SPEN: variants seen among roughly 807,000 people sequenced by gnomAD.
SPEN encodes the protein msx2-interacting protein.
SPEN carries 18 observed loss-of-function variants against 269.9 expected under a neutral mutation model. That is an observed-to-expected ratio of 0.07 (90% CI 0.05 to 0.10). SPEN has a LOEUF of 0.10. Ranked by LOEUF, SPEN falls within the 10% of genes least tolerant of loss-of-function variation. The pLI is 1.00. For missense variants in SPEN, 3,822 were observed against 4,631.2 expected (o/e 0.83, Z 5.07); for synonymous variants, 1,726 against 1,765.7 (o/e 0.98, Z 0.56).
intron 6 of SPEN, among the ~76,000 whole-genome samples, chr1:15,917,100 C>T (rs542379865): frequency 2.0e-5 from 3 of 152,138 alleles, no homozygotes; most frequent in Non-Finnish European, 2.9e-5. Flanking sequence ...TGTACTCCAG[C>T]GTGGGTGACA....
intron 1 of SPEN, among the ~76,000 whole-genome samples, chr1:15,858,492 A>G (rs551468870): frequency 6.6e-6 from 1 of 152,326 alleles, no homozygotes; most frequent in East Asian, 1.9e-4. Flanking sequence ...CCCAATGCAT[A>G]GCCTAGGTGT....
In SPEN at chr1:15,934,727, G is replaced by A. The variant is rs1347222234; in HGVS notation, c.8487G>A (p.Arg2829=). The change falls in exon 11 of 15, where the codon CGG becomes CGA. Residue 2829 remains arginine, a synonymous_variant. Transcript: ENST00000375759. The surrounding 1 kb of genome is among the most constrained non-coding windows in gnomAD (Gnocchi z 9.2). ...YSGQKTEGPQ[R]ISAKISQIPP... ...GGCAGAAGACCGAAGGCCCACAGCG[G>A]ATCAGCGCCAAGATCAGCCAGATCC... 1 of 1,614,140 alleles carries A rather than the reference G, an allele frequency of 6.2e-7. No homozygotes were observed. The highest frequency in any genetic ancestry group is 1.1e-5 in the South Asian group (1 of 91,086).
Position 15,930,032 on chromosome 1 carries a change from C to T in SPEN, c.3792C>T (p.Val1264=). 1 of 1,614,152 alleles carries T rather than the reference C, an allele frequency of 6.2e-7. No homozygotes were observed. Among genetic ancestry groups the T allele is most frequent in the Middle Eastern group, 1.6e-4 (1 of 6,062 alleles). The stretch of plus-strand genomic sequence containing the variant: ...AAAGGACTGGTGGTTCTCCCAGTGT[C>T]CGACATGGTTCCTTCCATGAAGATG... ...DSERTGGSPS[V]RHGSFHEDED... is the part of the protein sequence containing the mutation. The change falls in exon 11 of 15, where the codon GTC becomes GTT. Residue 1264 remains valine (V), a synonymous_variant. Coordinates refer to ENST00000375759, the MANE Select transcript of SPEN (RefSeq NM_015001.3). This position sits in a 1 kb window ranked among gnomAD's most constrained non-coding sequence, Gnocchi z 5.3.
intron 1 of SPEN, among the ~76,000 whole-genome samples, chr1:15,871,876 C>T (rs1382761131): frequency 1.3e-5 from 2 of 151,928 alleles, no homozygotes; most frequent in Non-Finnish European, 2.9e-5. Context: ...TTTTAAATTA[C>T]TTTGATTCTA....
chr1:15,919,058 G>T lies in SPEN; in HGVS notation c.1521+7G>T. On this transcript the variant is annotated splice_region_variant and intron_variant, in intron 7 of 14. Transcript: ENST00000375759. ...TGGAAATAATCGCCTCAAGGTAAAT[G>T]AATTTGCATAAATTATTGTGCTGTT... 6.2e-7 allele frequency: 1 copy of T among 1,604,026 alleles called. No individual in the cohort carries two copies. The highest frequency in any genetic ancestry group is 1.1e-5 in the South Asian group (1 of 88,402).
intron 8 of SPEN, 70 bp downstream of exon 8, chr1:15,919,587 C>T (rs544692419): frequency 7.5e-6 from 7 of 927,668 alleles, no homozygotes; most frequent in Non-Finnish European, 1.1e-5. Flanking sequence ...TCCTTTCAGT[C>T]TCAGTTGGCT....
chr1:15,889,982 T>C (rs1002340732), intron 3 of SPEN, among the ~76,000 whole-genome samples: 3 of 152,206 alleles, frequency 2.0e-5, no homozygotes, highest in Non-Finnish European at 4.4e-5. Context: ...CCCAAAGTGC[T>C]GGGATTACAG....
Position 15,848,179 on chromosome 1 carries a change from T to C in SPEN, c.83+29T>C, listed in dbSNP as rs754442199. ...AGTGACACGAGGCCCGCGGCCGCGC[T>C]CGCTCCTCGGGCGCCGCTTCCCGCC... On this transcript the variant is annotated intron_variant, in intron 1 of 14. Coordinates refer to ENST00000375759, the MANE Select transcript of SPEN (RefSeq NM_015001.3). This position sits in a 1 kb window ranked among gnomAD's most constrained non-coding sequence, Gnocchi z 5.1. 7 of 1,409,310 alleles carry C rather than the reference T, an allele frequency of 5.0e-6. No individual in the cohort carries two copies. The highest frequency in any genetic ancestry group is 5.7e-6 in the Non-Finnish European group (6 of 1,056,858). The allele number at this position is 1,409,310 out of a possible 1,614,324, so 87.3% of individuals were successfully genotyped here. A position where few individuals can be genotyped will look rare whatever the true frequency, so the allele number is the denominator to read the frequency against.
Position 15,934,805 on chromosome 1 carries a change from G to T in SPEN, c.8565G>T (p.Gln2855His). 1 of 1,614,190 alleles carries T rather than the reference G, an allele frequency of 6.2e-7. No homozygotes were observed. The highest frequency in any genetic ancestry group is 8.5e-7 in the Non-Finnish European group (1 of 1,180,032). ...TTCAGCAGTCAGTGTCCAAGTCCCA[G>T]GTCAAACCTGATTCTGTCACAGCAT... ...IEFQQSVSKS[Q>H]VKPDSVTASQ... The change falls in exon 11 of 15, where the codon CAG becomes CAT. Residue 2855 changes from glutamine (Q) to histidine (H), a missense_variant. Coordinates refer to ENST00000375759, the MANE Select transcript of SPEN (RefSeq NM_015001.3). This position sits in a 1 kb window ranked among gnomAD's most constrained non-coding sequence, Gnocchi z 9.2.
In SPEN at chr1:15,872,968, A is replaced by G. The variant is rs1354499971; in HGVS notation, c.236A>G (p.Asn79Ser). ...GACAGAGACCTACGCACGGATTATA[A>G]TGAACCAGGCACCATCCCGAGTGCT... is the stretch of plus-strand genomic sequence containing the variant. ...MGDRDLRTDY[N>S]EPGTIPSAAR... The change falls in exon 2 of 15, where the codon AAT becomes AGT. Residue 79 changes from asparagine to serine, a missense_variant. Asn to Ser is a conservative substitution (Grantham distance 46). This residue lies in a region of SPEN where 327 missense variants were observed against 350.8 expected (regional missense o/e 0.93). Coordinates refer to ENST00000375759, the MANE Select transcript of SPEN (RefSeq NM_015001.3). The G allele has an allele frequency of 6.2e-7, 1 of 1,614,146 alleles. No individual in the cohort carries two copies.
At position 15,937,259 on chromosome 1, in the gene SPEN, G is replaced by A. The variant is rs747098120; in HGVS notation, c.10123G>A (p.Gly3375Ser). 8 of 1,613,574 alleles carry A rather than the reference G, an allele frequency of 5.0e-6. No homozygotes were observed. The highest frequency in any genetic ancestry group is 4.5e-5 in the East Asian group (2 of 44,844). Residue 3375 changes from glycine to serine, a missense_variant, in exon 12 of 15, where the codon GGT (glycine) becomes AGT (serine). Gly to Ser is a moderately conservative substitution (Grantham distance 56). Transcript: ENST00000375759. This position sits in a 1 kb window ranked among gnomAD's most constrained non-coding sequence, Gnocchi z 5.7. ...PAPPCPPSQL[G>S]QPGQPPSSKM... is the part of the protein sequence containing the mutation. ...ACCACCCTGCCCGCCCTCCCAGCTC[G>A]GTCAGCCCGGCCAGCCACCAAGCAG... is the stretch of plus-strand genomic sequence containing the variant.
intron 3 of SPEN, among the ~76,000 whole-genome samples, chr1:15,878,882 T>C (rs2070659010): frequency 6.6e-6 from 1 of 150,954 alleles, no homozygotes; most frequent in South Asian, 2.1e-4. Context: ...TGGTGGCACA[T>C]GCCTGTAATC....
chr1:15,898,548 T>C lies in SPEN; in HGVS notation c.882-10773T>C, dbSNP rs563002867. 7.7e-4 allele frequency among the ~76,000 whole-genome samples: 108 copies of C among 139,776 alleles called. 1 individual carries two copies. The highest frequency in any genetic ancestry group is 2.5e-3 in the African/African-American group (101 of 40,396). The allele number at this position is 139,776 out of a possible 152,430, so 91.7% of individuals were successfully genotyped here. On this transcript the variant is annotated intron_variant, in intron 3 of 14. Coordinates refer to ENST00000375759, the MANE Select transcript of SPEN (RefSeq NM_015001.3). ...TGTAGCATTTGTCAAAATTTTTTTT[T>C]TCTTTTTTTCTTTTTTTTTTTTTTT...
Position 15,847,955 on chromosome 1 carries a change from ACCGCCGCAGCCGCCG to A in SPEN, c.-105_-91del. ...AGGAGCCGCCGCCGCTGCCGACGCCACCGCCGCAGCCGCCGCCGCCGCCGCCCCGGCACCCGCCTC... is the reference window on the plus strand; with the variant it reads ...AGGAGCCGCCGCCGCTGCCGACGCCACCGCCGCCGCCCCGGCACCCGCCTC... On this transcript the variant is annotated 5_prime_UTR_variant, in exon 1 of 15. Coordinates refer to ENST00000375759, the MANE Select transcript of SPEN (RefSeq NM_015001.3). The A allele has an allele frequency of 1.9e-6, 1 of 519,732 alleles. No homozygotes were observed. The highest frequency in any genetic ancestry group is 2.9e-6 in the Non-Finnish European group (1 of 344,592). 32.2% of individuals were successfully genotyped at this position (519,732 alleles called of 1,614,324 possible).
At chr1:15,850,453 C>T (rs966114745) in intron 1 of SPEN, among the ~76,000 whole-genome samples, 1 of 151,524 alleles carries the variant, frequency 6.6e-6, no homozygotes, top group Non-Finnish European at 1.5e-5. Context: ...ATAGACAGTA[C>T]ATTTTTATGG....
rs978933988 is a variant in SPEN at position 15,899,865 on chromosome 1, TGAGA to T, written c.882-9450_882-9447del. Reference sequence around the variant, plus strand: ...TTTATTTTATTTATTTATTTATTTTTGAGAGAGAGTGTCACTGTCACCCAGGCTG... The same window carrying T: ...TTTATTTTATTTATTTATTTATTTTTGAGAGTGTCACTGTCACCCAGGCTG... On this transcript the variant is annotated intron_variant, in intron 3 of 14. Coordinates refer to ENST00000375759, the MANE Select transcript of SPEN (RefSeq NM_015001.3). 3.3e-5 allele frequency among the ~76,000 whole-genome samples: 5 copies of T among 152,172 alleles called. No individual in the cohort carries two copies. The South Asian group carries it at 1.0e-3, about 32-fold the overall frequency.
chr1:15,921,324 C>A (rs1417604479), intron 9 of SPEN, among the ~76,000 whole-genome samples: 1 of 151,886 alleles, frequency 6.6e-6, no homozygotes, highest in Non-Finnish European at 1.5e-5. Context: ...AGTAAGACTC[C>A]ATCTCCAAAA....
intron 1 of SPEN, among the ~76,000 whole-genome samples, chr1:15,857,746 G>A (rs1569967062): frequency 6.6e-6 from 1 of 151,706 alleles, no homozygotes; most frequent in East Asian, 1.9e-4. Flanking sequence ...CTGCAGCCTC[G>A]ACCTCCTGGG....
At position 15,932,294 on chromosome 1, in the gene SPEN, C is replaced by T. The variant is rs2071229692; in HGVS notation, c.6054C>T (p.Gly2018=). 3 of 1,606,666 alleles carry T rather than the reference C, an allele frequency of 1.9e-6. No individual in the cohort carries two copies. Among genetic ancestry groups the T allele is most frequent in the Non-Finnish European group, 1.7e-6 (2 of 1,177,266 alleles). The part of the protein sequence containing the change: ...ATRPEATTEV[G]PQIGVKESSM... ...GTCCTGAGGCCACCACTGAGGTGGGCCCCCAAATAGGCGTGAAAGAGAGCT... is the reference window on the plus strand; with the variant it reads ...GTCCTGAGGCCACCACTGAGGTGGGTCCCCAAATAGGCGTGAAAGAGAGCT... The change falls in exon 11 of 15, where the codon GGC becomes GGT. Residue 2018 remains glycine, a synonymous_variant. Coordinates refer to ENST00000375759, the MANE Select transcript of SPEN (RefSeq NM_015001.3). This position sits in a 1 kb window ranked among gnomAD's most constrained non-coding sequence, Gnocchi z 4.2.
Sources: allele counts gnomAD v4.1 joint callset (sites outside exome capture counted in the v4.1 genomes callset), GRCh38; gene constraint gnomAD v4.1.1; regional missense constraint gnomAD v4.1.1; non-coding constraint Gnocchi (gnomAD v3.1); transcripts MANE v1.5; gene names NCBI Gene and HGNC (gene_info 2026-07-23, HGNC 2026-07-21).